ACSBG1: variants seen among roughly 807,000 people sequenced by gnomAD.
The protein encoded by ACSBG1 is acyl-CoA synthetase bubblegum family member 1.
In ACSBG1, 39 loss-of-function variants were observed where a neutral mutation model predicts 80.2. The observed-to-expected ratio is 0.49, with a 90% CI of 0.38 to 0.64. The LOEUF is 0.64. Ranked by LOEUF, ACSBG1 falls within the 30% of genes least tolerant of loss-of-function variation. The pLI is 0.00. For synonymous variants in ACSBG1, 392 were observed against 379.5 expected, an observed-to-expected ratio of 1.03 and a Z score of -0.38; for missense variants, 828 against 966.4, an observed-to-expected ratio of 0.86 and a Z score of 1.90.
chr15:78,216,317 A>G (rs1467153421), intron 1 of ACSBG1, among the ~76,000 whole-genome samples: 1 of 152,196 alleles, frequency 6.6e-6, no homozygotes, highest in South Asian at 2.1e-4. Context: ...ACAAAGATGC[A>G]TTCTTTGCAG....
intron 1 of ACSBG1, among the ~76,000 whole-genome samples, chr15:78,215,786 G>GAAAGAA (rs1477978248): frequency 3.3e-5 from 4 of 123,034 alleles, no homozygotes; most frequent in African/African-American, 1.3e-4. Flanking sequence ...AAGAAAGAAA[G>GAAAGAA]AGAAAGAAAG....
intron 1 of ACSBG1, among the ~76,000 whole-genome samples, chr15:78,214,177 G>A (rs1285996916): frequency 8.5e-5 from 13 of 152,174 alleles, no homozygotes; most frequent in African/African-American, 2.7e-4. Context: ...CTTCACTACA[G>A]GGACTAGCCG....
chr15:78,216,969 G>A (rs913780310), intron 1 of ACSBG1, among the ~76,000 whole-genome samples: 1 of 152,260 alleles, frequency 6.6e-6, no homozygotes, highest in Non-Finnish European at 1.5e-5. Context: ...CCCAGGCTCT[G>A]TTTCAGTTTT....
At position 78,179,728 on chromosome 15, in the gene ACSBG1, C is replaced by T. The variant is rs2074921632; in HGVS notation, c.1306G>A (p.Val436Ile). ...TTGGCAAATCCCAGTGCCTGGCGAACCTTGGCTAGCACCAGGTAATCTGCC... is the reference window on the plus strand; with the variant it reads ...TTGGCAAATCCCAGTGCCTGGCGAATCTTGGCTAGCACCAGGTAATCTGCC... ...RLADYLVLAK[V>I]RQALGFAKCQ... The change falls in exon 10 of 14, where the codon GTT (valine) becomes ATT (isoleucine). Residue 436 changes from valine (V) to isoleucine (I), a missense_variant. Coordinates refer to ENST00000258873, the MANE Select transcript of ACSBG1 (RefSeq NM_015162.5). 1 of 1,614,040 alleles carries T rather than the reference C, an allele frequency of 6.2e-7. No homozygotes were observed. The highest frequency in any genetic ancestry group is 8.5e-7 in the Non-Finnish European group (1 of 1,180,030).
Position 78,215,768 on chromosome 15 carries a change from AAGAAAGAAAGAAAGAAAG to A in ACSBG1, c.132-7684_132-7667del, listed in dbSNP as rs1237058916. ...AAAGAAAGAAAGAAAGAAAGAAAGA[AAGAAAGAAAGAAAGAAAG>A]AGAAAGAAAGAGAGAAAGGAAGGAT... On this transcript the variant is annotated intron_variant, in intron 1 of 13. Transcript: ENST00000258873. Among the ~76,000 whole-genome samples, 151 of 150,168 alleles carry A rather than the reference AAGAAAGAAAGAAAGAAAG, an allele frequency of 1.0e-3. 2 individuals carry two copies. The highest frequency in any genetic ancestry group is 3.6e-3 in the African/African-American group (146 of 40,164).
At chr15:78,217,227 T>C (rs555884171) in intron 1 of ACSBG1, among the ~76,000 whole-genome samples, 1 of 152,286 alleles carries the variant, frequency 6.6e-6, no homozygotes, top group South Asian at 2.1e-4. Flanking sequence ...CAGCACTGCG[T>C]CTCAGACAAT....
At position 78,182,824 on chromosome 15, in the gene ACSBG1, GA is replaced by G. The variant is rs1362643356; in HGVS notation, c.664-40del. On this transcript the variant is annotated intron_variant, in intron 5 of 13. Coordinates refer to ENST00000258873, the MANE Select transcript of ACSBG1 (RefSeq NM_015162.5). ...AAAAATAGATCAGGTTTCAGTAAGA[GA>G]AATGTCACCTTCTAAAAAGTACCCC... 3 of 1,607,064 alleles carry G rather than the reference GA, an allele frequency of 1.9e-6. No individual in the cohort carries two copies. The African/African-American group carries it at 4.0e-5, about 21-fold the overall frequency.
intron 1 of ACSBG1, among the ~76,000 whole-genome samples, chr15:78,214,827 G>A (rs971993228): frequency 5.9e-5 from 9 of 152,154 alleles, no homozygotes; most frequent in African/African-American, 2.2e-4. Flanking sequence ...TAGTCAGATG[G>A]CAAACGACTG....
intron 11 of ACSBG1, 46 bp from the exon 12 acceptor site, chr15:78,174,570 G>T: frequency 6.3e-7 from 1 of 1,584,232 alleles, no homozygotes; most frequent in Non-Finnish European, 8.6e-7. Context: ...TAGTCCAGGT[G>T]CCCCAGCTGA....
rs1390877968 is a variant in ACSBG1 at position 78,171,021 on chromosome 15, T to G, written c.*423A>C. On this transcript the variant is annotated 3_prime_UTR_variant, in exon 14 of 14. Coordinates refer to ENST00000258873, the MANE Select transcript of ACSBG1 (RefSeq NM_015162.5). ...TTCCAGAGTAAGTCAGGTCGCTAGG[T>G]GAGTTGTGACTGATTGCTTTTCCTG... The G allele has an allele frequency of 6.5e-6, 1 of 154,484 alleles. No individual in the cohort carries two copies. Among genetic ancestry groups the G allele is most frequent in the Non-Finnish European group, 1.4e-5 (1 of 69,308 alleles). The allele number at this position is 154,484 out of a possible 1,614,324, so 9.6% of individuals were successfully genotyped here. A position where few individuals can be genotyped will look rare whatever the true frequency, so the allele number is the denominator to read the frequency against.
intron 2 of ACSBG1, 77 bp downstream of exon 2, chr15:78,207,925 A>ACCACCCCCCCCAC: frequency 2.2e-6 from 1 of 454,978 alleles, no homozygotes; most frequent in Non-Finnish European, 4.3e-6. Context: ...GGTCCCCCAC[A>ACCACCCCCCCCAC]CCACCCACCC....
chr15:78,173,344 CAAAAAAAAAAAAAAAA>C (rs59008825), intron 13 of ACSBG1, among the ~76,000 whole-genome samples: 2 of 75,228 alleles, frequency 2.7e-5, no homozygotes, highest in African/African-American at 1.1e-4. Flanking sequence ...GACTCCATCT[CAAAAAAAAAAAAAAAA>C]AAAAAAAAAG....
chr15:78,182,767 G>A lies in ACSBG1; in HGVS notation c.682C>T (p.His228Tyr). The A allele has an allele frequency of 6.2e-7, 1 of 1,614,188 alleles. No individual in the cohort carries two copies. The highest frequency in any genetic ancestry group is 1.1e-5 in the South Asian group (1 of 91,090). ...KILKIWKQLP[H>Y]LKAVVIYKEP... is the part of the protein sequence containing the mutation. ...TTATATATCACGACTGCCTTTAGAT[G>A]TGGCAACTGTTTCCAGATCTGCATT... Residue 228 changes from histidine (H) to tyrosine (Y), a missense_variant, in exon 6 of 14, where the codon CAT becomes TAT. Around this residue, in one of 3 missense-constraint regions of ACSBG1, gnomAD observed 356 missense variants for 363.5 expected, o/e 0.98. Transcript: ENST00000258873.
At position 78,215,486 on chromosome 15, in the gene ACSBG1, G is replaced by A. The variant is rs541763022; in HGVS notation, c.132-7384C>T. 1.7e-4 allele frequency among the ~76,000 whole-genome samples: 26 copies of A among 152,076 alleles called. No homozygotes were observed. In the East Asian group the frequency reaches 4.3e-3, roughly 25 times the overall value. ...AGCCTGGCCAACATGGTGAAACCCC[G>A]TCTCTACTAAAAATGCAAAATTAGC... On this transcript the variant is annotated intron_variant, in intron 1 of 13. Coordinates refer to ENST00000258873, the MANE Select transcript of ACSBG1 (RefSeq NM_015162.5).
intron 1 of ACSBG1, among the ~76,000 whole-genome samples, chr15:78,232,878 T>C (rs2075459052): frequency 6.6e-6 from 1 of 152,030 alleles, no homozygotes. Flanking sequence ...CAGAGTTTCA[T>C]CACATTGGGC....
At chr15:78,230,210 G>C (rs2075435213) in intron 1 of ACSBG1, among the ~76,000 whole-genome samples, 1 of 152,234 alleles carries the variant, frequency 6.6e-6, no homozygotes, top group Non-Finnish European at 1.5e-5. Context: ...CAAGCTGCCA[G>C]AGCAGGGCCA....
chr15:78,230,174 A>G (rs1330969670), intron 1 of ACSBG1, among the ~76,000 whole-genome samples: 1 of 152,186 alleles, frequency 6.6e-6, no homozygotes, highest in African/African-American at 2.4e-5. Flanking sequence ...CATGGTCTAC[A>G]GCCACAGCCT....
chr15:78,186,085 C>G (rs914460737), intron 5 of ACSBG1, among the ~76,000 whole-genome samples: 6 of 152,146 alleles, frequency 3.9e-5, no homozygotes, highest in Non-Finnish European at 5.9e-5. Flanking sequence ...GTATTGGGTG[C>G]ATATATGTTT....
chr15:78,194,374 C>G (rs1315993990), intron 3 of ACSBG1, 132 bp downstream of exon 3: 1 of 848,108 alleles, frequency 1.2e-6, no homozygotes, highest in African/African-American at 1.7e-5. Flanking sequence ...GCCCCACGCA[C>G]AATGACAGCT....
Sources: gnomAD v4.1 joint callset for allele counts (sites outside exome capture counted in the v4.1 genomes callset) on GRCh38, gnomAD v4.1.1 for gene constraint, gnomAD v4.1.1 regional missense constraint, MANE v1.5 for transcripts, NCBI Gene and HGNC (gene_info 2026-07-23, HGNC 2026-07-21) for gene names.